NUP210L: variants seen among roughly 807,000 people sequenced by gnomAD.
NUP210L encodes the protein nuclear pore membrane glycoprotein 210-like.
NUP210L carries 74 observed loss-of-function variants against 208.5 expected under a neutral mutation model. The ratio of observed to expected loss-of-function variants is 0.35; its 90% CI spans 0.29 to 0.43. The LOEUF is 0.43. NUP210L is among the 20% of genes least tolerant of loss of function. The pLI, the probability that NUP210L is intolerant of heterozygous loss-of-function variation, is 1.00. For synonymous variants in NUP210L, 780 were observed against 816.9 expected (o/e 0.95, Z 0.77); for missense variants, 1,843 against 2,289.4 (o/e 0.81, Z 3.98).
intron 25 of NUP210L, among the ~76,000 whole-genome samples, chr1:154,053,400 C>A (rs1214846316): frequency 2.0e-5 from 3 of 152,070 alleles, no homozygotes; most frequent in African/African-American, 7.2e-5. Context: ...TATTGTCTTG[C>A]AAAAATAAAA....
chr1:154,140,302 G>A (rs1379877724), intron 4 of NUP210L, among the ~76,000 whole-genome samples: 1 of 147,760 alleles, frequency 6.8e-6, no homozygotes, highest in Non-Finnish European at 1.5e-5. Flanking sequence ...AGTGAGCCAA[G>A]ATTGTGCCAC....
intron 17 of NUP210L, among the ~76,000 whole-genome samples, chr1:154,062,462 T>C (rs1366284696): frequency 6.6e-6 from 1 of 152,110 alleles, no homozygotes; most frequent in East Asian, 1.9e-4. Context: ...CTTAAACTTG[T>C]ATTTGAAGGC....
intron 13 of NUP210L, among the ~76,000 whole-genome samples, chr1:154,103,454 C>T (rs1656577144): frequency 6.6e-6 from 1 of 150,808 alleles, no homozygotes; most frequent in Non-Finnish European, 1.5e-5. Flanking sequence ...GGGCGGATCA[C>T]GAGCTCAGGA....
chr1:154,047,442 T>C (rs78048947), intron 25 of NUP210L, among the ~76,000 whole-genome samples: 86,850 of 151,806 alleles, frequency 0.57, 25,743 homozygotes, highest in East Asian at 0.95. Context: ...CACTGTGACA[T>C]GTTCGTTATG....
At chr1:154,028,820 C>T (rs960054289) in intron 28 of NUP210L, among the ~76,000 whole-genome samples, 7 of 151,878 alleles carry the variant, frequency 4.6e-5, no homozygotes, top group Non-Finnish European at 8.8e-5. Flanking sequence ...AGCAGCCGGG[C>T]GTGGTAGCTC....
chr1:154,043,755 T>C (rs965785226), intron 27 of NUP210L, among the ~76,000 whole-genome samples: 1 of 151,420 alleles, frequency 6.6e-6, no homozygotes, highest in African/African-American at 2.4e-5. Flanking sequence ...GCCTCTCAAG[T>C]AGCTGGGATT....
At chr1:154,027,818 C>G (rs1241597591) in intron 28 of NUP210L, among the ~76,000 whole-genome samples, 2 of 152,094 alleles carry the variant, frequency 1.3e-5, no homozygotes, top group Admixed American at 6.6e-5. Context: ...GAAGATATAA[C>G]CTAATGTTAG....
At chr1:154,105,891 G>A (rs1312419981) in intron 12 of NUP210L, among the ~76,000 whole-genome samples, 1 of 152,184 alleles carries the variant, frequency 6.6e-6, no homozygotes, top group Admixed American at 6.5e-5. Context: ...GTAGTAGCTA[G>A]TCAGTATTTG....
At chr1:154,018,211 A>T (rs1651368467) in intron 33 of NUP210L, among the ~76,000 whole-genome samples, 1 of 151,958 alleles carries the variant, frequency 6.6e-6, no homozygotes, top group Admixed American at 6.6e-5. Flanking sequence ...ACCTCAGGTG[A>T]TCCTCCCACT....
At chr1:154,092,518 T>G (rs1338562951) in intron 15 of NUP210L, among the ~76,000 whole-genome samples, 1 of 150,812 alleles carries the variant, frequency 6.6e-6, no homozygotes, top group African/African-American at 2.4e-5. Flanking sequence ...CACAGGCACA[T>G]GCCACCATAC....
chr1:154,049,869 AAAC>A (rs1332036242), intron 25 of NUP210L, among the ~76,000 whole-genome samples: 7 of 152,340 alleles, frequency 4.6e-5, no homozygotes, highest in African/African-American at 1.7e-4. Flanking sequence ...TTCCTGCAGT[AAAC>A]AACCTGAAGC....
At chr1:154,017,969 CTCTTTTTTTT>C (rs1222667030) in intron 33 of NUP210L, among the ~76,000 whole-genome samples, 3 of 151,452 alleles carry the variant, frequency 2.0e-5, no homozygotes, top group Non-Finnish European at 2.9e-5. Flanking sequence ...GGTCTTTTTT[CTCTTTTTTTT>C]TCTTTTTTTT....
At chr1:153,996,133 A>C (rs969241751) in intron 37 of NUP210L, among the ~76,000 whole-genome samples, 1 of 152,062 alleles carries the variant, frequency 6.6e-6, no homozygotes, top group Non-Finnish European at 1.5e-5. Flanking sequence ...TCTACTAAAA[A>C]TAGAAAAAAT....
chr1:154,132,123 A>G (rs1404729647), intron 7 of NUP210L, among the ~76,000 whole-genome samples: 1 of 152,126 alleles, frequency 6.6e-6, no homozygotes, highest in Admixed American at 6.6e-5. Flanking sequence ...TTTCTATAAT[A>G]CTACATTTTA....
intron 8 of NUP210L, among the ~76,000 whole-genome samples, chr1:154,127,996 T>A (rs953516417): frequency 2.6e-5 from 4 of 152,244 alleles, no homozygotes; most frequent in African/African-American, 9.6e-5. Context: ...TCTGAGTAGC[T>A]GGGACTACAG....
intron 7 of NUP210L, among the ~76,000 whole-genome samples, chr1:154,134,734 CAAA>C (rs67813355): frequency 8.9e-5 from 6 of 67,316 alleles, no homozygotes; most frequent in Middle Eastern, 0.02. Context: ...GACTCCGTCT[CAAA>C]AAAAAAAAAA....
intron 16 of NUP210L, among the ~76,000 whole-genome samples, chr1:154,081,380 G>T (rs1655314905): frequency 6.6e-6 from 1 of 152,150 alleles, no homozygotes; most frequent in African/African-American, 2.4e-5. Flanking sequence ...ATAATAAAGA[G>T]GTTGTCCTCA....
intron 10 of NUP210L, among the ~76,000 whole-genome samples, chr1:154,126,010 C>A (rs925574179): frequency 3.3e-5 from 5 of 151,086 alleles, no homozygotes; most frequent in Non-Finnish European, 7.4e-5. Context: ...CCTCGTGATC[C>A]GCCCGCCTCG....
At chr1:154,000,291 A>T (rs932942366) in intron 37 of NUP210L, among the ~76,000 whole-genome samples, 1 of 152,210 alleles carries the variant, frequency 6.6e-6, no homozygotes, top group Non-Finnish European at 1.5e-5. Context: ...CTAAACTGTG[A>T]TAACATCTGT....
Sources: gnomAD v4.1 joint callset for allele counts (sites outside exome capture counted in the v4.1 genomes callset) on GRCh38, gnomAD v4.1.1 for gene constraint, MANE v1.5 for transcripts, NCBI Gene and HGNC (gene_info 2026-07-23, HGNC 2026-07-21) for gene names.